RPTOR: variants seen among roughly 807,000 people sequenced by gnomAD.
RPTOR encodes the protein regulatory associated protein of MTOR complex 1.
Under a neutral mutation model 169.9 loss-of-function variants are expected in RPTOR, and 21 were observed. That is an observed-to-expected ratio of 0.12 (90% CI 0.09 to 0.18). The LOEUF (loss-of-function observed/expected upper bound fraction) is 0.18. RPTOR is among the 10% of genes least tolerant of loss of function. The pLI is 1.00. For missense variants in RPTOR, 1,133 were observed against 1,855.9 expected (o/e 0.61, Z 7.16); for synonymous variants, 732 against 753.2 (o/e 0.97, Z 0.46).
intron 19 of RPTOR, among the ~76,000 whole-genome samples, chr17:80,893,363 G>C (rs2068354003): frequency 6.8e-6 from 1 of 146,864 alleles, no homozygotes; most frequent in African/African-American, 2.6e-5. Flanking sequence ...GTGTGTGCTG[G>C]GTGTGTGTGC....
chr17:80,588,518 CCA>C (rs2065080761), intron 1 of RPTOR, among the ~76,000 whole-genome samples: 1 of 152,144 alleles, frequency 6.6e-6, no homozygotes, highest in African/African-American at 2.4e-5. Flanking sequence ...CTATTGTGAA[CCA>C]CACTGCAATG....
rs2143597699 is a variant in RPTOR at position 80,643,816 on chromosome 17, T to C, written c.348+6T>C. ...ACGAGAACTGGCAGCCAAGGGTAAG[T>C]GTGCTTCACTTGCTCTTCCCTTTCC... On this transcript the variant is annotated splice_donor_region_variant and intron_variant, in intron 3 of 33. Transcript: ENST00000306801. 6.2e-7 allele frequency: 1 copy of C among 1,605,446 alleles called. No homozygotes were observed. The highest frequency in any genetic ancestry group is 8.5e-7 in the Non-Finnish European group (1 of 1,172,732).
At chr17:80,752,734 C>T (rs1009254425) in intron 5 of RPTOR, among the ~76,000 whole-genome samples, 1 of 152,166 alleles carries the variant, frequency 6.6e-6, no homozygotes, top group Non-Finnish European at 1.5e-5. Context: ...TTTGGTAAAA[C>T]AGGAACCCAC....
chr17:80,561,263 G>GTGTATATA (rs1297941814), intron 1 of RPTOR, among the ~76,000 whole-genome samples: 6 of 19,604 alleles, frequency 3.1e-4, no homozygotes, highest in African/African-American at 5.5e-4. Context: ...ATATATATAT[G>GTGTATATA]TATATATATA....
In RPTOR at chr17:80,730,467, C is replaced by T; in HGVS notation, c.508-93C>T. On this transcript the variant is annotated intron_variant, in intron 4 of 33. Transcript: ENST00000306801. This position sits in a 1 kb window ranked among gnomAD's most constrained non-coding sequence, Gnocchi z 4.2. ...TCAGCGTCTCTCCAGCCACCAGGCT[C>T]AATGTGTGTGCCTTTTGTAACGGTG... is the stretch of plus-strand genomic sequence containing the variant. The T allele has an allele frequency of 7.0e-7, 1 of 1,422,082 alleles. No individual in the cohort carries two copies. Among genetic ancestry groups the T allele is most frequent in the Non-Finnish European group, 9.8e-7 (1 of 1,020,190 alleles). 88.1% of individuals were successfully genotyped at this position (1,422,082 alleles called of 1,614,324 possible).
In RPTOR at chr17:80,936,150, G is replaced by A. The variant is rs1180376310; in HGVS notation, c.2920-4346G>A. Reference sequence around the variant, plus strand: ...TAATCACGGGAAAGTACGGACCCCTGCAGTGAGATCCCACTACACACCTGT... The same window carrying A: ...TAATCACGGGAAAGTACGGACCCCTACAGTGAGATCCCACTACACACCTGT... On this transcript the variant is annotated intron_variant, in intron 24 of 33. Coordinates refer to ENST00000306801, the MANE Select transcript of RPTOR (RefSeq NM_020761.3). This position sits in a 1 kb window ranked among gnomAD's most constrained non-coding sequence, Gnocchi z 4.1. 6.6e-6 allele frequency among the ~76,000 whole-genome samples: 1 copy of A among 152,188 alleles called. No individual in the cohort carries two copies. Among genetic ancestry groups the A allele is most frequent in the Admixed American group, 6.5e-5 (1 of 15,274 alleles).
intron 13 of RPTOR, among the ~76,000 whole-genome samples, chr17:80,865,403 A>G (rs372317833): frequency 9.3e-4 from 142 of 152,296 alleles, no homozygotes; most frequent in South Asian, 2.5e-3. Flanking sequence ...GCTACAAGCA[A>G]TGTACTTTTG....
chr17:80,965,725 A>G lies in RPTOR; in HGVS notation c.*1395A>G, dbSNP rs74001172. ...GGTGGATGGAACCCTGCCTGGTCAC[A>G]TTTGGCCAGAGACACACCTGGCCCT... On this transcript the variant is annotated 3_prime_UTR_variant, in exon 34 of 34. Coordinates refer to ENST00000306801, the MANE Select transcript of RPTOR (RefSeq NM_020761.3). 0.01 allele frequency: 2,353 copies of G among 233,296 alleles called. 40 individuals carry two copies. The highest frequency in any genetic ancestry group is 0.04 in the African/African-American group (1,839 of 45,426). The allele number at this position is 233,296 out of a possible 1,614,324, so 14.5% of individuals were successfully genotyped here. A position where few individuals can be genotyped will look rare whatever the true frequency, so the allele number is the denominator to read the frequency against.
rs112575683 is a variant in RPTOR at position 80,896,570 on chromosome 17, G to A, written c.2401+2705G>A. On this transcript the variant is annotated intron_variant, in intron 20 of 33. Coordinates refer to ENST00000306801, the MANE Select transcript of RPTOR (RefSeq NM_020761.3). ...CCGCGCCGACACCCCACACAGCCGC[G>A]CCGACACCCCACACGGCCGCGCCGT... Among the ~76,000 whole-genome samples, 909 of 139,226 alleles carry A rather than the reference G, an allele frequency of 6.5e-3. 12 individuals are homozygous for A. The highest frequency in any genetic ancestry group is 0.023 in the African/African-American group (867 of 37,026). The allele number at this position is 139,226 out of a possible 152,430, so 91.3% of individuals were successfully genotyped here.
At position 80,822,341 on chromosome 17, in the gene RPTOR, C is replaced by A. The variant is rs372870603; in HGVS notation, c.991+40C>A. 877 of 1,585,960 alleles carry A rather than the reference C, an allele frequency of 5.5e-4. 2 individuals are homozygous for A. The highest frequency in any genetic ancestry group is 2.3e-3 in the Admixed American group (138 of 59,964). ...GGGCCTTGGGGAGGGAGGCTATGGC[C>A]TTGAGTGCGCGGGGAGCCGACTCTC... is the stretch of plus-strand genomic sequence containing the variant. On this transcript the variant is annotated intron_variant, in intron 8 of 33. Coordinates refer to ENST00000306801, the MANE Select transcript of RPTOR (RefSeq NM_020761.3).
Position 80,906,802 on chromosome 17 carries a change from T to G in RPTOR, c.2402-2009T>G, listed in dbSNP as rs1257740895. On this transcript the variant is annotated intron_variant, in intron 20 of 33. Coordinates refer to ENST00000306801, the MANE Select transcript of RPTOR (RefSeq NM_020761.3). Reference sequence around the variant, plus strand: ...GTGACCTCCTAGATGGCAGCTGAGCTCAATTCCACACGGCTCAGTCCTGGA... The same window carrying G: ...GTGACCTCCTAGATGGCAGCTGAGCGCAATTCCACACGGCTCAGTCCTGGA... Among the ~76,000 whole-genome samples the G allele has an allele frequency of 2.6e-5, 4 of 151,076 alleles. No individual in the cohort carries two copies. The East Asian group carries it at 7.8e-4, about 29-fold the overall frequency.
rs769242495 is a variant in RPTOR, at chr17:80,545,593, C to T, written c.-37C>T. 2 of 1,539,112 alleles carry T rather than the reference C, an allele frequency of 1.3e-6. No homozygotes were observed. The highest frequency in any genetic ancestry group is 8.8e-7 in the Non-Finnish European group (1 of 1,135,796). On this transcript the variant is annotated 5_prime_UTR_variant, in exon 1 of 34. Transcript: ENST00000306801. ...TTTTAAGGCTGGAGGTTCTCGAGCG[C>T]TTGCTGCCAAGGACTCCCCCACCCC...
At chr17:80,685,313 T>C (rs1477918678) in intron 3 of RPTOR, among the ~76,000 whole-genome samples, 1 of 151,568 alleles carries the variant, frequency 6.6e-6, no homozygotes, top group Non-Finnish European at 1.5e-5. Context: ...TATTGCTCTG[T>C]CTCCCAGGCT....
chr17:80,833,413 A>G (rs565166774), intron 9 of RPTOR, among the ~76,000 whole-genome samples: 443 of 152,300 alleles, frequency 2.9e-3, no homozygotes, highest in Non-Finnish European at 5.5e-3. Flanking sequence ...TTCTCCAGGC[A>G]GCTTGATCGC....
At chr17:80,772,440 CCCACATGCCTGGACCCCCTTCCTCTCCCT>C (rs1197001213) in intron 6 of RPTOR, among the ~76,000 whole-genome samples, 28 of 126,234 alleles carry the variant, frequency 2.2e-4, no homozygotes, top group East Asian at 5.8e-4. Context: ...TGTCTCTCCC[CCCACATGCCTGGACCCCCTTCCTCTCCCT>C]CCACATGCCT....
intron 28 of RPTOR, among the ~76,000 whole-genome samples, chr17:80,954,651 C>T (rs1028661278): frequency 2.6e-5 from 4 of 152,110 alleles, no homozygotes; most frequent in South Asian, 2.1e-4. Flanking sequence ...ATGGGCCAGG[C>T]GTGGTGGCTC....
intron 7 of RPTOR, among the ~76,000 whole-genome samples, chr17:80,810,008 A>G (rs557172763): frequency 2.7e-4 from 41 of 152,204 alleles, no homozygotes; most frequent in South Asian, 1.9e-3. Context: ...AGATCGTGAC[A>G]CTGCACTTCA....
Position 80,965,674 on chromosome 17 carries a change from C to A in RPTOR, c.*1344C>A, listed in dbSNP as rs1048923405. The A allele has an allele frequency of 8.6e-6, 2 of 233,166 alleles. No individual in the cohort carries two copies. The highest frequency in any genetic ancestry group is 4.4e-5 in the African/African-American group (2 of 45,310). The allele number at this position is 233,166 out of a possible 1,614,324, so 14.4% of individuals were successfully genotyped here. ...GGCTCTCCTGCGGTGTGGCTGGTGG[C>A]CTGCCGTGGCCAAGAGCATCTTCTG... On this transcript the variant is annotated 3_prime_UTR_variant, in exon 34 of 34. Coordinates refer to ENST00000306801, the MANE Select transcript of RPTOR (RefSeq NM_020761.3).
At position 80,566,823 on chromosome 17, in the gene RPTOR, C is replaced by CAA. The variant is rs56295360; in HGVS notation, c.162+21060_162+21061dup. On this transcript the variant is annotated intron_variant, in intron 1 of 33. Transcript: ENST00000306801. ...TGGGCGACAGAGCGAGACTCCGTCT[C>CAA]AAAAAAAAAAAAAAAAAAAAAAAAA... is the stretch of plus-strand genomic sequence containing the variant. Among the ~76,000 whole-genome samples the CAA allele has an allele frequency of 7.3e-4, 61 of 83,972 alleles. 1 individual carries two copies. Among genetic ancestry groups the CAA allele is most frequent in the African/African-American group, 2.8e-3 (56 of 19,890 alleles). 55.1% of individuals were successfully genotyped at this position (83,972 alleles called of 152,430 possible). A position where few individuals can be genotyped will look rare whatever the true frequency, so the allele number is the denominator to read the frequency against.
Sources: allele counts gnomAD v4.1 joint callset (sites outside exome capture counted in the v4.1 genomes callset), GRCh38; gene constraint gnomAD v4.1.1; non-coding constraint Gnocchi (gnomAD v3.1); transcripts MANE v1.5; gene names NCBI Gene and HGNC (gene_info 2026-07-23, HGNC 2026-07-21).